Variants in GLE1 observed in about 807,000 individuals in gnomAD.
The protein encoded by GLE1 is mRNA export factor GLE1.
Under a neutral mutation model 97.3 loss-of-function variants are expected in GLE1, and 78 were observed. That is an observed-to-expected ratio of 0.80 (90% CI 0.67 to 0.97). The LOEUF is 0.97. Among genes scored for constraint, GLE1 ranks in the 50% least tolerant of loss-of-function variants. The pLI is 0.00. For missense variants in GLE1, 753 were observed against 857.5 expected (o/e 0.88, Z 1.52); for synonymous variants, 302 against 313.4 (o/e 0.96, Z 0.39).
intron 1 of GLE1, among the ~76,000 whole-genome samples, chr9:128,505,489 A>G (rs957819642): frequency 6.6e-6 from 1 of 152,164 alleles, no homozygotes; most frequent in African/African-American, 2.4e-5. Flanking sequence ...TTGGGAAACA[A>G]TCCTAAAGTA....
Position 128,509,072 on chromosome 9 carries a change from C to T in GLE1, c.296C>T (p.Ser99Phe). The change falls in exon 2 of 16, where the codon TCC becomes TTC. Residue 99 changes from serine to phenylalanine, a missense_variant. Transcript: ENST00000309971. ...GCAAGCTCTGCCTTTTCCCCAGCCT[C>T]CCCTGCAACACCAAATGGAACCAAG... Reference protein sequence around the residue: ...PDASSAFSPASPATPNGTKGK... With the variant: ...PDASSAFSPAFPATPNGTKGK... 1.2e-6 allele frequency: 2 copies of T among 1,610,376 alleles called. No individual in the cohort carries two copies. The highest frequency in any genetic ancestry group is 8.5e-7 in the Non-Finnish European group (1 of 1,176,546).
chr9:128,511,244 C>T (rs1846811405), intron 2 of GLE1, among the ~76,000 whole-genome samples: 1 of 148,432 alleles, frequency 6.7e-6, no homozygotes, highest in Non-Finnish European at 1.5e-5. Context: ...ATAATAACAA[C>T]AAAATAAATA....
chr9:128,514,071 C>T (rs1156376045), intron 2 of GLE1, among the ~76,000 whole-genome samples: 1 of 151,160 alleles, frequency 6.6e-6, no homozygotes, highest in African/African-American at 2.4e-5. Flanking sequence ...GGCATAGTGG[C>T]TCATGCCTGT....
At position 128,527,195 on chromosome 9, in the gene GLE1, A is replaced by G; in HGVS notation, c.1146A>G (p.Val382=). Residue 382 remains valine (V), a synonymous_variant, in exon 8 of 16, where the codon GTA becomes GTG. Transcript: ENST00000309971. ...ATTTCTCAGACCTCCAGGTGAAGGT[A>G]CAAGACATTACAATGCAGTGGTACC... ...GKQNEDLQVK[V]QDITMQWYQQ... is the part of the protein sequence containing the mutation. The G allele has an allele frequency of 6.3e-7, 1 of 1,598,254 alleles. No individual in the cohort carries two copies. The highest frequency in any genetic ancestry group is 1.7e-5 in the Admixed American group (1 of 59,996).
chr9:128,506,595 A>T (rs777812088), intron 1 of GLE1, among the ~76,000 whole-genome samples: 1 of 152,112 alleles, frequency 6.6e-6, no homozygotes, highest in Non-Finnish European at 1.5e-5. Flanking sequence ...GAAGTGGAGG[A>T]TGGTGCTGTA....
chr9:128,524,871 A>G (rs1404704924), intron 6 of GLE1, among the ~76,000 whole-genome samples: 2 of 151,984 alleles, frequency 1.3e-5, no homozygotes, highest in African/African-American at 2.4e-5. Flanking sequence ...AACCTGGGCA[A>G]TGGAGATTCT....
chr9:128,525,350 G>A lies in GLE1; in HGVS notation c.1056G>A (p.Gln352=). 1 of 1,613,680 alleles carries A rather than the reference G, an allele frequency of 6.2e-7. No homozygotes were observed. The highest frequency in any genetic ancestry group is 8.5e-7 in the Non-Finnish European group (1 of 1,179,760). ...CCCAGGTAAAGCTGCAAGAGGCACAGATGCAGCAGGGACCAGAGGCCCACA... is the reference window on the plus strand; with the variant it reads ...CCCAGGTAAAGCTGCAAGAGGCACAAATGCAGCAGGGACCAGAGGCCCACA... ...EEAQVKLQEA[Q]MQQGPEAHKE... is the part of the protein sequence containing the mutation. The change falls in exon 7 of 16, where the codon CAG becomes CAA. Residue 352 remains glutamine (Q), a synonymous_variant. Transcript: ENST00000309971.
chr9:128,514,027 A>AAAAAG (rs1440983860), intron 2 of GLE1, among the ~76,000 whole-genome samples: 5 of 149,474 alleles, frequency 3.3e-5, no homozygotes, highest in Non-Finnish European at 7.4e-5. Context: ...CAAAAAAAAA[A>AAAAAG]AAAAAGAAAA....
At chr9:128,521,349 T>C (rs928789870) in intron 3 of GLE1, among the ~76,000 whole-genome samples, 2 of 151,918 alleles carry the variant, frequency 1.3e-5, no homozygotes, top group African/African-American at 4.8e-5. Flanking sequence ...TCCTGGGCAA[T>C]ATAGTGAGAC....
Position 128,533,834 on chromosome 9 carries a change from G to A in GLE1, c.1529G>A (p.Trp510Ter). The change falls in exon 11 of 16, where the codon TGG becomes TAG. Residue 510 changes from tryptophan to a stop codon, truncating the protein, a stop_gained. Transcript: ENST00000309971. LOFTEE classifies it high-confidence loss of function. Reference protein sequence around the residue: ...FPIAVVASGIWELHPRVGDLI... With the variant: ...FPIAVVASGI ...ATTGCAGTTGTGGCATCCGGGATCT[G>A]GGAGCTCCACCCCAGAGTGGGGGAC... is the stretch of plus-strand genomic sequence containing the variant. 6.2e-7 allele frequency: 1 copy of A among 1,613,694 alleles called. No homozygotes were observed. The highest frequency in any genetic ancestry group is 1.3e-5 in the African/African-American group (1 of 75,018).
Position 128,515,613 on chromosome 9 carries a change from G to C in GLE1, c.406G>C (p.Glu136Gln). 6.3e-7 allele frequency: 1 copy of C among 1,588,922 alleles called. No homozygotes were observed. Among genetic ancestry groups the C allele is most frequent in the South Asian group, 1.1e-5 (1 of 90,544 alleles). The change falls in exon 3 of 16, where the codon GAA (glutamate) becomes CAA (glutamine). Residue 136 changes from glutamate (E) to glutamine (Q), a missense_variant. Glu to Gln is a conservative substitution (Grantham distance 29). Coordinates refer to ENST00000309971, the MANE Select transcript of GLE1 (RefSeq NM_001003722.2). ...IKVEGCVRMY[E>Q]LVHRMKGTEG... ...AGTGGAAGGCTGCGTCCGAATGTAC[G>C]AACTGGTACACAGAATGAAAGGAAC...
intron 9 of GLE1, among the ~76,000 whole-genome samples, chr9:128,531,289 C>T (rs1235309569): frequency 2.7e-5 from 4 of 148,530 alleles, no homozygotes; most frequent in South Asian, 2.1e-4. Context: ...GCACTTTAGG[C>T]GGCTGAGGTG....
rs547884411 is a variant in GLE1, at chr9:128,533,769, C to T, written c.1464C>T (p.Gly488=). 26 of 1,613,872 alleles carry T rather than the reference C, an allele frequency of 1.6e-5. No homozygotes were observed. The highest frequency in any genetic ancestry group is 6.7e-5 in the East Asian group (3 of 44,896). The change falls in exon 11 of 16, where the codon GGC becomes GGT. Residue 488 remains glycine, a synonymous_variant. Transcript: ENST00000309971. The part of the protein sequence containing the change: ...YKLAEKFVKQ[G]EEEVASHHEA... ...CACCTCTATGTTCTCAGAAACAAGG[C>T]GAGGAGGAAGTGGCCTCTCACCATG...
chr9:128,536,672 G>A (rs1847721070), intron 12 of GLE1, among the ~76,000 whole-genome samples, 188 bp downstream of exon 12: 1 of 152,158 alleles, frequency 6.6e-6, no homozygotes, highest in African/African-American at 2.4e-5. Flanking sequence ...GGATCACCTG[G>A]TACTTTAAAG....
At chr9:128,522,997 CAA>C (rs1165270900) in intron 4 of GLE1, among the ~76,000 whole-genome samples, 181 bp downstream of exon 4, 33 of 152,050 alleles carry the variant, frequency 2.2e-4, no homozygotes, top group Admixed American at 2.2e-3. Flanking sequence ...CAAAGGAACA[CAA>C]AGAGGGAGGC....
At chr9:128,519,490 CCA>C (rs1489376021) in intron 3 of GLE1, among the ~76,000 whole-genome samples, 1 of 152,140 alleles carries the variant, frequency 6.6e-6, no homozygotes, top group Non-Finnish European at 1.5e-5. Flanking sequence ...GACATAGACC[CCA>C]GTCTCCCATA....
intron 9 of GLE1, among the ~76,000 whole-genome samples, chr9:128,530,162 A>G (rs1232526670): frequency 1.6e-4 from 24 of 152,272 alleles, no homozygotes; most frequent in Admixed American, 1.3e-3. Context: ...CATTACCTGA[A>G]TGCTGATGAC....
chr9:128,527,760 T>TC (rs1847345124), intron 9 of GLE1, among the ~76,000 whole-genome samples: 1 of 151,774 alleles, frequency 6.6e-6, no homozygotes, highest in South Asian at 2.1e-4. Context: ...GGTCAGGAGT[T>TC]CAAGAGCAGC....
rs895124975 is a variant in GLE1 at position 128,517,834 on chromosome 9, C to T, written c.432+2195C>T. ...TTCTCCACTTCTTCCTTTTTCAGAG[C>T]ATCTTATTCTCATTTCTTATCATAT... On this transcript the variant is annotated intron_variant, in intron 3 of 15. Transcript: ENST00000309971. Among the ~76,000 whole-genome samples, 4 of 151,950 alleles carry T rather than the reference C, an allele frequency of 2.6e-5. 1 individual carries two copies. Among genetic ancestry groups the T allele is most frequent in the Admixed American group, 2.6e-4 (4 of 15,224 alleles).
Sources: gnomAD v4.1 joint callset for allele counts (sites outside exome capture counted in the v4.1 genomes callset) on GRCh38, gnomAD v4.1.1 for gene constraint, MANE v1.5 for transcripts, NCBI Gene and HGNC (gene_info 2026-07-23, HGNC 2026-07-21) for gene names.